Variants in NAALADL2 observed in about 807,000 individuals in gnomAD.
The protein encoded by NAALADL2 is N-acetylated alpha-linked acidic dipeptidase like 2.
Under a neutral mutation model 87.2 loss-of-function variants are expected in NAALADL2, and 76 were observed. That is an observed-to-expected ratio of 0.87 (90% CI 0.72 to 1.05). The LOEUF is 1.05. Among genes scored for constraint, NAALADL2 ranks in the 50% least tolerant of loss-of-function variants. NAALADL2 has a pLI of 0.00. For missense variants in NAALADL2, 1,089 were observed against 945.8 expected (o/e 1.15, Z -1.99); for synonymous variants, 354 against 331.0 (o/e 1.07, Z -0.75).
intron 1 of NAALADL2, among the ~76,000 whole-genome samples, chr3:174,897,335 A>C (rs576930271): frequency 1.3e-5 from 2 of 152,126 alleles, no homozygotes; most frequent in Non-Finnish European, 2.9e-5. Flanking sequence ...AAATAAAATA[A>C]TCTTATCAAA....
At chr3:175,520,793 T>C (rs1028105827) in intron 9 of NAALADL2, among the ~76,000 whole-genome samples, 7 of 152,126 alleles carry the variant, frequency 4.6e-5, no homozygotes, top group African/African-American at 1.4e-4. Context: ...TAAGGAGATA[T>C]AACAAGGACA....
At chr3:175,455,113 T>C (rs918543885) in intron 6 of NAALADL2, among the ~76,000 whole-genome samples, 3 of 152,062 alleles carry the variant, frequency 2.0e-5, no homozygotes, top group Non-Finnish European at 4.4e-5. Flanking sequence ...CTGTGGCTTT[T>C]AGTCAAGCAG....
rs541350498 is a variant in NAALADL2 at position 174,752,782 on chromosome 3, T to G, written c.-9+15036T>G. On this transcript the variant is annotated intron_variant, in intron 3 of 3. Coordinates refer to the NAALADL2 transcript ENST00000434257. ...ATTTCCTTAGCAATATGTTTAACTT[T>G]TAAGAATTGTATTTTGCAGAAGTAG... is the stretch of plus-strand genomic sequence containing the variant. 1.1e-4 allele frequency among the ~76,000 whole-genome samples: 17 copies of G among 152,310 alleles called. No homozygotes were observed. The South Asian group carries it at 3.5e-3, about 32-fold the overall frequency.
intron 1 of NAALADL2, among the ~76,000 whole-genome samples, chr3:174,926,935 A>C (rs910085492): frequency 6.6e-6 from 1 of 151,968 alleles, no homozygotes; most frequent in African/African-American, 2.4e-5. Context: ...GTCAAGACTC[A>C]CCAGTGTGCT....
chr3:175,182,538 A>G (rs1189130962), intron 2 of NAALADL2, among the ~76,000 whole-genome samples: 1 of 137,030 alleles, frequency 7.3e-6, no homozygotes, highest in Non-Finnish European at 1.5e-5. Context: ...TAAGTCCATG[A>G]CACCACAGCC....
At chr3:175,277,052 A>G (rs974978176) in intron 4 of NAALADL2, among the ~76,000 whole-genome samples, 19 of 152,320 alleles carry the variant, frequency 1.2e-4, no homozygotes, top group African/African-American at 4.6e-4. Context: ...GGCCAAGAGT[A>G]TAGACATGTT....
intron 3 of NAALADL2, among the ~76,000 whole-genome samples, chr3:175,247,522 A>T (rs770322461): frequency 6.6e-6 from 1 of 152,108 alleles, no homozygotes; most frequent in Non-Finnish European, 1.5e-5. Flanking sequence ...TGTATTTCTA[A>T]TAACAAGGAA....
At chr3:174,588,774 T>C (rs762088524) in intron 2 of NAALADL2, among the ~76,000 whole-genome samples, 3 of 152,142 alleles carry the variant, frequency 2.0e-5, no homozygotes, top group African/African-American at 4.8e-5. Flanking sequence ...ATATGAAGTG[T>C]CAATCGGCCC....
intron 2 of NAALADL2, among the ~76,000 whole-genome samples, chr3:175,131,298 G>C (rs1360835120): frequency 6.6e-6 from 1 of 151,804 alleles, no homozygotes; most frequent in African/African-American, 2.4e-5. Flanking sequence ...AGGACCCTGC[G>C]GCCTTCTGCA....
chr3:175,726,327 T>G lies in NAALADL2; in HGVS notation c.1897-10979T>G, dbSNP rs148833211. ...GGCATGGGAATAGAAAGTAAGCATT[T>G]TATTTTAGTAATAGATTTGCAAATC... On this transcript the variant is annotated intron_variant, in intron 11 of 13. Transcript: ENST00000454872. Among the ~76,000 whole-genome samples, 274 of 152,204 alleles carry G rather than the reference T, an allele frequency of 1.8e-3. 2 individuals are homozygous for G. Among genetic ancestry groups the G allele is most frequent in the African/African-American group, 6.4e-3 (267 of 41,548 alleles).
chr3:175,655,151 A>G (rs1731282194), intron 11 of NAALADL2, among the ~76,000 whole-genome samples: 1 of 152,130 alleles, frequency 6.6e-6, no homozygotes, highest in South Asian at 2.1e-4. Context: ...TCAACTGTAA[A>G]TGATGCCATG....
At chr3:175,547,818 C>T (rs1306594218) in intron 9 of NAALADL2, among the ~76,000 whole-genome samples, 1 of 151,850 alleles carries the variant, frequency 6.6e-6, no homozygotes, top group African/African-American at 2.4e-5. Flanking sequence ...CATCACTGAT[C>T]ATTAGAGAAA....
At position 175,264,447 on chromosome 3, in the gene NAALADL2, G is replaced by A. The variant is rs1234915321; in HGVS notation, c.939+7917G>A. Among the ~76,000 whole-genome samples the A allele has an allele frequency of 2.6e-5, 4 of 151,740 alleles. No homozygotes were observed. In the East Asian group the frequency reaches 7.7e-4, roughly 29 times the overall value. ...GAAGTGTGACAGCTCACTCAAACAT[G>A]CAAACCTAAACTGAAGATAATAATA... On this transcript the variant is annotated intron_variant, in intron 4 of 13. Coordinates refer to ENST00000454872, the MANE Select transcript of NAALADL2 (RefSeq NM_207015.3).
In NAALADL2 at chr3:175,803,490, A is replaced by G; in HGVS notation, c.*287A>G. 1 of 202,666 alleles carries G rather than the reference A, an allele frequency of 4.9e-6. No individual in the cohort carries two copies. Among genetic ancestry groups the G allele is most frequent in the Non-Finnish European group, 1.0e-5 (1 of 100,330 alleles). 12.6% of individuals were successfully genotyped at this position (202,666 alleles called of 1,614,324 possible). A position where few individuals can be genotyped will look rare whatever the true frequency, so the allele number is the denominator to read the frequency against. ...ATATATAAAAATATGTACTATTTTA[A>G]GGAAAAATTTCCAAGAAGTTCTGGA... On this transcript the variant is annotated 3_prime_UTR_variant, in exon 14 of 14. Transcript: ENST00000454872.
At chr3:174,859,327 G>A, upstream of NAALADL2, 2 of 1,012,454 alleles carry the variant, frequency 2.0e-6, no homozygotes, top group Non-Finnish European at 3.1e-6. Flanking sequence ...TACTACAGTA[G>A]AAAGTCAGAA....
intron 1 of NAALADL2, among the ~76,000 whole-genome samples, chr3:174,905,106 G>T (rs187874791): frequency 6.6e-6 from 1 of 151,548 alleles, no homozygotes; most frequent in African/African-American, 2.4e-5. Flanking sequence ...AATATAAATC[G>T]TAATGATCAG....
chr3:175,745,819 T>G (rs568175386), intron 12 of NAALADL2, among the ~76,000 whole-genome samples: 221 of 152,324 alleles, frequency 1.5e-3, no homozygotes, highest in African/African-American at 5.0e-3. Context: ...AATTTGATGC[T>G]CCTCACCTTA....
At chr3:174,648,117 G>A (rs575901989) in intron 2 of NAALADL2, among the ~76,000 whole-genome samples, 2 of 152,086 alleles carry the variant, frequency 1.3e-5, no homozygotes, top group South Asian at 4.2e-4. Flanking sequence ...ATTTTCAGAG[G>A]GAGAGACCAC....
At chr3:175,591,666 G>A (rs1405204236) in intron 10 of NAALADL2, among the ~76,000 whole-genome samples, 3 of 151,776 alleles carry the variant, frequency 2.0e-5, no homozygotes, top group Non-Finnish European at 4.4e-5. Flanking sequence ...AGTAATTTCT[G>A]TAGACACTAA....
Sources: gnomAD v4.1 joint callset for allele counts (sites outside exome capture counted in the v4.1 genomes callset) on GRCh38, gnomAD v4.1.1 for gene constraint, MANE v1.5 for transcripts, NCBI Gene and HGNC (gene_info 2026-07-23, HGNC 2026-07-21) for gene names.